Variants in SORCS3 observed in about 807,000 individuals in gnomAD.
SORCS3 encodes VPS10 domain-containing receptor SorCS3.
SORCS3 carries 57 observed loss-of-function variants against 146.3 expected under a neutral mutation model. That is an observed-to-expected ratio of 0.39 (90% CI 0.31 to 0.49). The LOEUF is 0.49. SORCS3 is among the 20% of genes least tolerant of loss of function. The pLI is 0.92. For synonymous variants in SORCS3, 653 were observed against 618.5 expected (o/e 1.06, Z -0.83); for missense variants, 1,341 against 1,575.5 (o/e 0.85, Z 2.52).
intron 1 of SORCS3, among the ~76,000 whole-genome samples, chr10:104,754,212 G>A (rs889724135): frequency 3.3e-5 from 5 of 152,198 alleles, no homozygotes; most frequent in African/African-American, 1.2e-4. Flanking sequence ...TGTGTCAAAA[G>A]CACATGCTGT....
intron 20 of SORCS3, among the ~76,000 whole-genome samples, chr10:105,235,845 C>G (rs1343376125): frequency 6.6e-6 from 1 of 151,894 alleles, no homozygotes; most frequent in Non-Finnish European, 1.5e-5. Context: ...AATTGACTCA[C>G]CATAAAGTGG....
At chr10:104,764,373 C>T (rs1045259070) in intron 1 of SORCS3, among the ~76,000 whole-genome samples, 1 of 152,116 alleles carries the variant, frequency 6.6e-6, no homozygotes, top group Non-Finnish European at 1.5e-5. Flanking sequence ...GCTGCTGGCT[C>T]ATAGACCACA....
chr10:104,873,664 T>C (rs147171911), intron 2 of SORCS3, among the ~76,000 whole-genome samples: 2 of 152,304 alleles, frequency 1.3e-5, no homozygotes, highest in East Asian at 3.9e-4. Context: ...ATATCTTTAA[T>C]TTGCTTGGCA....
At chr10:104,682,234 T>A (rs767163423) in intron 1 of SORCS3, among the ~76,000 whole-genome samples, 1 of 152,272 alleles carries the variant, frequency 6.6e-6, no homozygotes, top group Non-Finnish European at 1.5e-5. Flanking sequence ...AAAATCTTCA[T>A]GCTAGTTCAT....
At chr10:104,903,573 A>T (rs1448774233) in intron 2 of SORCS3, among the ~76,000 whole-genome samples, 1 of 152,226 alleles carries the variant, frequency 6.6e-6, no homozygotes, top group Non-Finnish European at 1.5e-5. Context: ...ATAATAAAAA[A>T]AGGCATGTTG....
At chr10:104,901,304 G>A (rs1284767205) in intron 2 of SORCS3, among the ~76,000 whole-genome samples, 1 of 152,104 alleles carries the variant, frequency 6.6e-6, no homozygotes, top group Non-Finnish European at 1.5e-5. Context: ...GTTCAAAGAG[G>A]GTAAGTGACC....
chr10:104,955,612 C>G (rs750131169), intron 3 of SORCS3, among the ~76,000 whole-genome samples: 35 of 152,170 alleles, frequency 2.3e-4, no homozygotes, highest in Non-Finnish European at 4.4e-4. Context: ...GATACCTCAC[C>G]CTCAATGAGA....
chr10:104,979,236 C>T (rs562057048), intron 4 of SORCS3, among the ~76,000 whole-genome samples: 37 of 152,190 alleles, frequency 2.4e-4, no homozygotes, highest in Non-Finnish European at 5.9e-5. Context: ...AGTGTCTATC[C>T]GTTAGATGAA....
intron 2 of SORCS3, among the ~76,000 whole-genome samples, chr10:104,894,048 G>A (rs1262646120): frequency 6.6e-6 from 1 of 152,094 alleles, no homozygotes. Context: ...CCTTTTGGGG[G>A]CTTGTTCTTA....
At chr10:105,035,090 A>G (rs1341698099) in intron 4 of SORCS3, among the ~76,000 whole-genome samples, 3 of 152,154 alleles carry the variant, frequency 2.0e-5, no homozygotes, top group Non-Finnish European at 4.4e-5. Flanking sequence ...CACTGGCCCT[A>G]TCCTCCTCAA....
intron 12 of SORCS3, among the ~76,000 whole-genome samples, chr10:105,166,301 C>G (rs373870582): frequency 6.6e-6 from 1 of 152,108 alleles, no homozygotes; most frequent in Non-Finnish European, 1.5e-5. Flanking sequence ...TTCACTTAAC[C>G]CACCATCCCA....
intron 2 of SORCS3, among the ~76,000 whole-genome samples, chr10:104,865,749 G>A (rs117815757): frequency 0.041 from 6,195 of 152,186 alleles, 237 homozygotes; most frequent in Non-Finnish European, 0.05. Flanking sequence ...AAACATGAAA[G>A]AAACATGGAA....
At chr10:104,796,144 A>C (rs1589502491) in intron 1 of SORCS3, among the ~76,000 whole-genome samples, 1 of 152,250 alleles carries the variant, frequency 6.6e-6, no homozygotes, top group African/African-American at 2.4e-5. Flanking sequence ...AGTAGAGCAC[A>C]GTTGTGTTCT....
At chr10:104,729,993 T>A (rs978827677) in intron 1 of SORCS3, among the ~76,000 whole-genome samples, 1 of 152,224 alleles carries the variant, frequency 6.6e-6, no homozygotes, top group African/African-American at 2.4e-5. Flanking sequence ...GAGAATTATG[T>A]AATTTATGAG....
At chr10:104,730,207 A>G (rs918027560) in intron 1 of SORCS3, among the ~76,000 whole-genome samples, 1 of 152,218 alleles carries the variant, frequency 6.6e-6, no homozygotes, top group Admixed American at 6.5e-5. Context: ...AACAATTTAT[A>G]TGATTCTCTC....
At chr10:104,869,240 T>C (rs2451492) in intron 2 of SORCS3, among the ~76,000 whole-genome samples, 2 of 152,080 alleles carry the variant, frequency 1.3e-5, no homozygotes, top group South Asian at 4.1e-4. Context: ...GGCTGAAAAG[T>C]TTCACAATGT....
At chr10:104,812,075 G>C (rs2017746996) in intron 1 of SORCS3, among the ~76,000 whole-genome samples, 1 of 152,112 alleles carries the variant, frequency 6.6e-6, no homozygotes. Flanking sequence ...AAAATAACTT[G>C]GTAGTAGCAC....
chr10:104,660,822 C>T lies in SORCS3; in HGVS notation c.627+18868C>T, dbSNP rs144565753. Among the ~76,000 whole-genome samples the T allele has an allele frequency of 5.9e-5, 9 of 152,236 alleles. No individual in the cohort carries two copies. In the East Asian group the frequency reaches 1.7e-3, roughly 30 times the overall value. On this transcript the variant is annotated intron_variant, in intron 1 of 26. Coordinates refer to ENST00000369701, the MANE Select transcript of SORCS3 (RefSeq NM_014978.3). ...TTTCTGGTCCAGAGATGCCTATTTC[C>T]TGTCTGACTCATGCCTGAGCCTCAA...
intron 1 of SORCS3, among the ~76,000 whole-genome samples, chr10:104,769,220 G>C (rs1468187811): frequency 6.6e-6 from 1 of 152,184 alleles, no homozygotes; most frequent in Admixed American, 6.5e-5. Flanking sequence ...CAGGAGAAAT[G>C]ACACTCCTTC....
Sources: allele counts gnomAD v4.1 joint callset (sites outside exome capture counted in the v4.1 genomes callset), GRCh38; gene constraint gnomAD v4.1.1; transcripts MANE v1.5; gene names NCBI Gene and HGNC (gene_info 2026-07-23, HGNC 2026-07-21).